Variants in SERGEF observed in about 807,000 individuals in gnomAD.
The protein encoded by SERGEF is secretion-regulating guanine nucleotide exchange factor.
In SERGEF, 51 loss-of-function variants were observed where a neutral mutation model predicts 50.0. The observed-to-expected ratio is 1.02, with a 90% CI of 0.81 to 1.29. SERGEF has a LOEUF of 1.29. SERGEF is among the 50% of genes most tolerant of loss of function. The pLI, the probability that SERGEF is intolerant of heterozygous loss-of-function variation, is 0.00. For missense variants in SERGEF, 521 were observed against 557.0 expected (o/e 0.94, Z 0.65); for synonymous variants, 205 against 212.4 (o/e 0.97, Z 0.30).
intron 5 of SERGEF, among the ~76,000 whole-genome samples, chr11:17,997,451 T>C (rs1853859588): frequency 6.6e-6 from 1 of 152,218 alleles, no homozygotes; most frequent in Non-Finnish European, 1.5e-5. Flanking sequence ...GTACAACCTC[T>C]GTGGCAAATA....
At chr11:17,978,489 C>G (rs575787967) in intron 8 of SERGEF, among the ~76,000 whole-genome samples, 1 of 152,278 alleles carries the variant, frequency 6.6e-6, no homozygotes, top group South Asian at 2.1e-4. Context: ...AAGATGTGCA[C>G]ATTGCTTTTG....
intron 10 of SERGEF, among the ~76,000 whole-genome samples, chr11:17,869,266 A>G (rs956992239): frequency 1.3e-5 from 2 of 152,240 alleles, no homozygotes; most frequent in African/African-American, 4.8e-5. Context: ...ATTACAGACA[A>G]AATAAACAAA....
intron 6 of SERGEF, among the ~76,000 whole-genome samples, chr11:17,994,642 T>G (rs550796237): frequency 6.6e-6 from 1 of 152,218 alleles, no homozygotes; most frequent in African/African-American, 2.4e-5. Flanking sequence ...CAAAAATGTT[T>G]GAGAAGTCCA....
At chr11:17,891,020 T>A (rs1200977653) in intron 9 of SERGEF, among the ~76,000 whole-genome samples, 2 of 152,214 alleles carry the variant, frequency 1.3e-5, no homozygotes, top group Non-Finnish European at 2.9e-5. Flanking sequence ...CCTAGAGGCA[T>A]CTTGTGGTTT....
chr11:17,814,738 AG>A (rs1385821959), intron 10 of SERGEF, among the ~76,000 whole-genome samples: 2 of 152,340 alleles, frequency 1.3e-5, no homozygotes, highest in African/African-American at 4.8e-5. Context: ...ATTTCTCTTA[AG>A]AACTCTGGGA....
At chr11:17,834,273 C>A (rs553823836) in intron 10 of SERGEF, among the ~76,000 whole-genome samples, 1 of 152,176 alleles carries the variant, frequency 6.6e-6, no homozygotes, top group Non-Finnish European at 1.5e-5. Context: ...CTACCACCCA[C>A]GTAAGATGTG....
chr11:17,794,502 T>C (rs1216917457), intron 10 of SERGEF, among the ~76,000 whole-genome samples: 1 of 152,194 alleles, frequency 6.6e-6, no homozygotes, highest in Non-Finnish European at 1.5e-5. Flanking sequence ...ACACAGCTAT[T>C]CTAGTCAGGA....
At position 18,008,089 on chromosome 11, in the gene SERGEF, A is replaced by G. The variant is rs778009752; in HGVS notation, c.61-13T>C. ...AGCTATTTGCACCCTAGGGATGAAT[A>G]AGCCAAGGATGAAAAAGTGTGGGAA... On this transcript the variant is annotated splice_polypyrimidine_tract_variant and intron_variant, in intron 1 of 10. Coordinates refer to ENST00000265965, the MANE Select transcript of SERGEF (RefSeq NM_012139.4). 6.2e-7 allele frequency: 1 copy of G among 1,609,282 alleles called. No individual in the cohort carries two copies. The highest frequency in any genetic ancestry group is 1.1e-5 in the South Asian group (1 of 90,564).
chr11:18,006,736 G>A lies in SERGEF; in HGVS notation c.207C>T (p.Asp69=). ...CTTTGTTCAGGCCACAAACAAAGAG[G>A]TCTCCTCCATCTGCAAAATATAAAG... is the stretch of plus-strand genomic sequence containing the variant. The part of the protein sequence containing the change: ...GHSAVVTDGG[D]LFVCGLNKDG... The change falls in exon 3 of 11, where the codon GAC becomes GAT. Residue 69 remains aspartate (D), a synonymous_variant. Coordinates refer to ENST00000265965, the MANE Select transcript of SERGEF (RefSeq NM_012139.4). 1 of 1,614,120 alleles carries A rather than the reference G, an allele frequency of 6.2e-7. No individual in the cohort carries two copies. The highest frequency in any genetic ancestry group is 8.5e-7 in the Non-Finnish European group (1 of 1,180,022).
At chr11:17,980,807 A>G (rs1853481667) in intron 8 of SERGEF, among the ~76,000 whole-genome samples, 1 of 152,214 alleles carries the variant, frequency 6.6e-6, no homozygotes, top group Non-Finnish European at 1.5e-5. Context: ...ATTAGGCTGC[A>G]GTAAATGGCA....
At chr11:17,963,490 C>A (rs1368333338) in intron 8 of SERGEF, among the ~76,000 whole-genome samples, 1 of 149,280 alleles carries the variant, frequency 6.7e-6, no homozygotes, top group African/African-American at 2.5e-5. Flanking sequence ...TGGATTCAAG[C>A]AATTCTCCCG....
At chr11:17,887,846 G>C (rs1851459765) in intron 9 of SERGEF, among the ~76,000 whole-genome samples, 2 of 152,102 alleles carry the variant, frequency 1.3e-5, no homozygotes, top group African/African-American at 2.4e-5. Context: ...TTTACAGCAG[G>C]GGTCCCCAAC....
chr11:17,957,174 GCTA>G (rs762141658), intron 9 of SERGEF, among the ~76,000 whole-genome samples: 9 of 152,178 alleles, frequency 5.9e-5, no homozygotes, highest in Non-Finnish European at 1.3e-4. Flanking sequence ...CTCCTGATAA[GCTA>G]CGTAAAATTC....
intron 10 of SERGEF, among the ~76,000 whole-genome samples, chr11:17,861,834 T>C (rs766602556): frequency 2.0e-4 from 31 of 152,248 alleles, no homozygotes; most frequent in Non-Finnish European, 3.8e-4. Context: ...CCCTATCCAA[T>C]AGGTCGGTAG....
chr11:17,881,765 G>T (rs1263070489), intron 9 of SERGEF, among the ~76,000 whole-genome samples: 2 of 152,166 alleles, frequency 1.3e-5, no homozygotes, highest in Admixed American at 1.3e-4. Flanking sequence ...CTGCCTTACA[G>T]ACTCGCTAGA....
At chr11:17,819,548 G>C (rs372367419) in intron 10 of SERGEF, among the ~76,000 whole-genome samples, 32 of 152,332 alleles carry the variant, frequency 2.1e-4, no homozygotes, top group African/African-American at 7.5e-4. Context: ...ATGAGAGGCA[G>C]AGCAGGGATT....
At chr11:17,976,706 C>T in intron 8 of SERGEF, among the ~76,000 whole-genome samples, 1 of 152,124 alleles carries the variant, frequency 6.6e-6, no homozygotes. Flanking sequence ...AAATTACAGG[C>T]CAGTAACTAA....
At chr11:17,822,472 C>G (rs1850103021) in intron 10 of SERGEF, among the ~76,000 whole-genome samples, 1 of 152,178 alleles carries the variant, frequency 6.6e-6, no homozygotes, top group Admixed American at 6.5e-5. Context: ...GGGGAAGTTA[C>G]CCACACAGAA....
chr11:17,924,457 C>G (rs1256533580), intron 9 of SERGEF, among the ~76,000 whole-genome samples: 2 of 152,124 alleles, frequency 1.3e-5, no homozygotes, highest in Admixed American at 6.5e-5. Flanking sequence ...GGTGGTGACA[C>G]ACAGGGTGAA....
Sources: gnomAD v4.1 joint callset for allele counts (sites outside exome capture counted in the v4.1 genomes callset) on GRCh38, gnomAD v4.1.1 for gene constraint, MANE v1.5 for transcripts, NCBI Gene and HGNC (gene_info 2026-07-23, HGNC 2026-07-21) for gene names.